DNAJC13: variants seen among roughly 807,000 people sequenced by gnomAD.
DNAJC13 encodes DnaJ heat shock protein family (Hsp40) member C13.
Under a neutral mutation model 290.5 loss-of-function variants are expected in DNAJC13, and 75 were observed. The observed-to-expected ratio is 0.26, with a 90% CI of 0.21 to 0.31. DNAJC13 has a LOEUF of 0.31. Among genes scored for constraint, DNAJC13 ranks in the 10% least tolerant of loss-of-function variants. The probability of loss-of-function intolerance (pLI) is 1.00; values close to 1 mark genes in which losing one functional copy is unlikely to be tolerated. For missense variants in DNAJC13, 2,260 were observed against 2,674.5 expected, an observed-to-expected ratio of 0.85 and a Z score of 3.42; for synonymous variants, 862 against 892.0, an observed-to-expected ratio of 0.97 and a Z score of 0.60.
chr3:132,507,714 A>G (rs185504226), intron 43 of DNAJC13, among the ~76,000 whole-genome samples: 6 of 152,276 alleles, frequency 3.9e-5, no homozygotes, highest in African/African-American at 1.4e-4. Context: ...CAATAAATGT[A>G]TGTGTTCTGA....
intron 48 of DNAJC13, among the ~76,000 whole-genome samples, chr3:132,519,823 C>T (rs1419195147): frequency 6.6e-6 from 1 of 152,096 alleles, no homozygotes; most frequent in Non-Finnish European, 1.5e-5. Flanking sequence ...CTTCACGCTG[C>T]TGATGAAGAC....
chr3:132,424,903 CAT>C (rs1471991957), intron 1 of DNAJC13, among the ~76,000 whole-genome samples: 1 of 152,050 alleles, frequency 6.6e-6, no homozygotes, highest in East Asian at 1.9e-4. Flanking sequence ...GTACTTGAGT[CAT>C]ATATTAAAAT....
chr3:132,495,656 A>G (rs966839552), intron 35 of DNAJC13, among the ~76,000 whole-genome samples: 2 of 152,170 alleles, frequency 1.3e-5, no homozygotes, highest in African/African-American at 2.4e-5. Context: ...ATAAACGATG[A>G]AATCACGTAA....
chr3:132,456,427 C>T, intron 10 of DNAJC13, 26 bp downstream of exon 10: 1 of 1,610,672 alleles, frequency 6.2e-7, no homozygotes, highest in Middle Eastern at 1.7e-4. Context: ...AATGTAATTA[C>T]ATTTCCACTC....
intron 1 of DNAJC13, among the ~76,000 whole-genome samples, chr3:132,425,958 T>G (rs2107641358): frequency 6.6e-6 from 1 of 152,306 alleles, no homozygotes; most frequent in South Asian, 2.1e-4. Context: ...GATGTAGGCT[T>G]CTTCTCACTG....
At chr3:132,483,049 ATTT>A (rs1212582333) in intron 27 of DNAJC13, among the ~76,000 whole-genome samples, 5 of 152,134 alleles carry the variant, frequency 3.3e-5, no homozygotes, top group African/African-American at 1.2e-4. Flanking sequence ...TCCCAGGCTC[ATTT>A]CGAATTGGGC....
chr3:132,537,371 A>G (rs1936628071), intron 55 of DNAJC13: 1 of 391,430 alleles, frequency 2.6e-6, no homozygotes, highest in Non-Finnish European at 5.1e-6. Context: ...TTCAGCTAAA[A>G]CTATTGCTCA....
intron 31 of DNAJC13, 41 bp from the exon 32 acceptor site, chr3:132,490,856 T>C: frequency 6.9e-7 from 1 of 1,457,054 alleles, no homozygotes; most frequent in East Asian, 2.5e-5. Context: ...AAAGTTAACT[T>C]TAGTGTTTTT....
At chr3:132,488,197 A>G in intron 29 of DNAJC13, 101 bp from the exon 30 acceptor site, 1 of 1,060,128 alleles carries the variant, frequency 9.4e-7, no homozygotes. Context: ...TTATTTTATA[A>G]TTTACATAAG....
intron 48 of DNAJC13, among the ~76,000 whole-genome samples, chr3:132,520,148 G>C (rs969477775): frequency 7.2e-5 from 11 of 152,120 alleles, no homozygotes; most frequent in African/African-American, 2.7e-4. Context: ...CATATCAAAG[G>C]ACCATATAGT....
At position 132,538,474 on chromosome 3, in the gene DNAJC13, G is replaced by A. The variant is rs922668773; in HGVS notation, c.*192G>A. The A allele has an allele frequency of 4.3e-6, 2 of 469,470 alleles. No homozygotes were observed. Among genetic ancestry groups the A allele is most frequent in the East Asian group, 3.4e-5 (1 of 29,366 alleles). The allele number at this position is 469,470 out of a possible 1,614,324, so 29.1% of individuals were successfully genotyped here. A position where few individuals can be genotyped will look rare whatever the true frequency, so the allele number is the denominator to read the frequency against. Reference sequence around the variant, plus strand: ...ATCACATTATAAGAAAGCACTCTGTGGATCAACATAAGTGGGTACACAAGA... The same window carrying A: ...ATCACATTATAAGAAAGCACTCTGTAGATCAACATAAGTGGGTACACAAGA... On this transcript the variant is annotated 3_prime_UTR_variant, in exon 56 of 56. Coordinates refer to ENST00000260818, the MANE Select transcript of DNAJC13 (RefSeq NM_015268.4).
chr3:132,438,050 C>CAA (rs35454328), intron 2 of DNAJC13, among the ~76,000 whole-genome samples: 1 of 109,074 alleles, frequency 9.2e-6, no homozygotes, highest in Non-Finnish European at 2.0e-5. Flanking sequence ...GACCGTGTCT[C>CAA]AAAAAAAAAA....
intron 12 of DNAJC13, 150 bp downstream of exon 12, chr3:132,456,982 A>T (rs1933621872): frequency 9.6e-6 from 9 of 937,828 alleles, no homozygotes; most frequent in Non-Finnish European, 1.4e-5. Flanking sequence ...TGAAAAAGGA[A>T]GGTGAGGGCA....
At chr3:132,511,431 G>C (rs141540528) in intron 44 of DNAJC13, among the ~76,000 whole-genome samples, 187 bp downstream of exon 44, 2 of 152,064 alleles carry the variant, frequency 1.3e-5, no homozygotes, top group African/African-American at 2.4e-5. Flanking sequence ...AGAGGTCAAG[G>C]CACTATGTTT....
chr3:132,494,924 T>TA (rs3215092), intron 34 of DNAJC13, among the ~76,000 whole-genome samples, 164 bp from the exon 35 acceptor site: 42 of 147,660 alleles, frequency 2.8e-4, no homozygotes, highest in South Asian at 4.3e-4. Context: ...AGTAACATGT[T>TA]AAAAAAAAAA....
chr3:132,460,226 CTGT>C (rs1559878348), intron 13 of DNAJC13, 21 bp from the exon 14 acceptor site: 1 of 1,441,030 alleles, frequency 6.9e-7, no homozygotes, highest in East Asian at 2.4e-5. Context: ...TGAATTATCA[CTGT>C]TTTTTTTTTT....
chr3:132,459,088 T>C (rs996167771), intron 13 of DNAJC13, among the ~76,000 whole-genome samples: 3 of 152,222 alleles, frequency 2.0e-5, no homozygotes, highest in Non-Finnish European at 4.4e-5. Context: ...CAATGAACTT[T>C]AGAAGTTATT....
intron 2 of DNAJC13, 56 bp downstream of exon 2, chr3:132,434,674 T>C: frequency 1.4e-6 from 2 of 1,408,310 alleles, no homozygotes; most frequent in Non-Finnish European, 2.0e-6. Context: ...TTTTAAACAT[T>C]ACTGTGTTTC....
At chr3:132,448,617 A>C (rs999644069) in intron 5 of DNAJC13, among the ~76,000 whole-genome samples, 1 of 152,152 alleles carries the variant, frequency 6.6e-6, no homozygotes. Context: ...ATAATGCTTA[A>C]ATTTATAGCA....
Sources: gnomAD v4.1 joint callset for allele counts (sites outside exome capture counted in the v4.1 genomes callset) on GRCh38, gnomAD v4.1.1 for gene constraint, MANE v1.5 for transcripts, NCBI Gene and HGNC (gene_info 2026-07-23, HGNC 2026-07-21) for gene names.